GON4L: variants seen among roughly 807,000 people sequenced by gnomAD.
The protein encoded by GON4L is GON-4-like protein.
Under a neutral mutation model 211.8 loss-of-function variants are expected in GON4L, and 87 were observed. The ratio of observed to expected loss-of-function variants is 0.41; its 90% CI spans 0.35 to 0.49. The LOEUF (loss-of-function observed/expected upper bound fraction) is 0.49, where lower values mean the gene tolerates loss of function less well. Among genes scored for constraint, GON4L ranks in the 20% least tolerant of loss-of-function variants. GON4L has a pLI of 0.15. For synonymous variants in GON4L, 875 were observed against 962.6 expected (o/e 0.91, Z 1.68); for missense variants, 2,155 against 2,659.5 (o/e 0.81, Z 4.17).
At chr1:155,754,520 AG>A in intron 27 of GON4L, 32 bp from the exon 28 acceptor site, 60 of 783,430 alleles carry the variant, frequency 7.7e-5, no homozygotes, top group Non-Finnish European at 1.1e-4. Flanking sequence ...TTAGCTGCCA[AG>A]TTGTTTTTTT....
At chr1:155,763,099 C>A (rs1028253676) in intron 22 of GON4L, among the ~76,000 whole-genome samples, 1 of 151,894 alleles carries the variant, frequency 6.6e-6, no homozygotes, top group Non-Finnish European at 1.5e-5. Flanking sequence ...AATCTAGCAA[C>A]GGATGAGAAT....
intron 21 of GON4L, among the ~76,000 whole-genome samples, chr1:155,764,019 CAAACA>C (rs1270815431): frequency 3.1e-5 from 1 of 32,358 alleles, no homozygotes; most frequent in African/African-American, 4.4e-5. Context: ...AAAACAAAAA[CAAACA>C]AAAAAAAAAC....
At chr1:155,838,792 T>A (rs1258864046) in intron 2 of GON4L, among the ~76,000 whole-genome samples, 5 of 148,896 alleles carry the variant, frequency 3.4e-5, no homozygotes, top group Non-Finnish European at 5.9e-5. Context: ...AGAAAAAAAA[T>A]TATAAATAAT....
chr1:155,788,543 A>T (rs1448406364), intron 12 of GON4L, among the ~76,000 whole-genome samples: 1 of 152,228 alleles, frequency 6.6e-6, no homozygotes, highest in African/African-American at 2.4e-5. Context: ...GACTTGCACA[A>T]AAAAGTTCAG....
At chr1:155,858,020 G>C (rs1672418644), upstream of GON4L, among the ~76,000 whole-genome samples, 1 of 152,116 alleles carries the variant, frequency 6.6e-6, no homozygotes, top group South Asian at 2.1e-4. Context: ...CAAAGTTCTG[G>C]CTCATCTGAG....
At position 155,757,250 on chromosome 1, in the gene GON4L, T is replaced by G; in HGVS notation, c.5327A>C (p.His1776Pro). ...CATCCGGCTAGCTGCTGGGCGCAAGTGGTCAAAGAAGATAGAAAACTCATC... is the reference window on the plus strand; with the variant it reads ...CATCCGGCTAGCTGCTGGGCGCAAGGGGTCAAAGAAGATAGAAAACTCATC... ...LQDEFSIFFD[H>P]LRPAASRMGD... The change falls in exon 26 of 32, where the codon CAC (histidine) becomes CCC (proline). Residue 1776 changes from histidine to proline, a missense_variant. By Grantham distance (77) the His-to-Pro change is moderately conservative. Coordinates refer to ENST00000368331, the MANE Select transcript of GON4L (RefSeq NM_001282860.2). The G allele has an allele frequency of 6.2e-7, 1 of 1,613,908 alleles. No individual in the cohort carries two copies. Among genetic ancestry groups the G allele is most frequent in the Non-Finnish European group, 8.5e-7 (1 of 1,179,864 alleles).
chr1:155,852,046 T>A (rs1303571080), intron 2 of GON4L, among the ~76,000 whole-genome samples: 1 of 149,086 alleles, frequency 6.7e-6, no homozygotes. Flanking sequence ...GCACCTGTAA[T>A]CCCAGCTACT....
In GON4L at chr1:155,767,498, C is replaced by T. The variant is rs981914047; in HGVS notation, c.2690G>A (p.Cys897Tyr). ...TKQLPVLGKC[C>Y]EEIQPHQWKP... ...CCACTGATGTGGCTGGATCTCTTCACAGCATTTTCCTAGGACTGGCAGCTG... is the reference window on the plus strand; with the variant it reads ...CCACTGATGTGGCTGGATCTCTTCATAGCATTTTCCTAGGACTGGCAGCTG... The change falls in exon 20 of 32, where the codon TGT (cysteine) becomes TAT (tyrosine). Residue 897 changes from cysteine (C) to tyrosine (Y), a missense_variant. Physicochemically the swap from Cys to Tyr is radical, Grantham distance 194 (BLOSUM62 -2). Transcript: ENST00000368331. 12 of 1,611,036 alleles carry T rather than the reference C, an allele frequency of 7.4e-6. No individual in the cohort carries two copies. The Admixed American group carries it at 1.8e-4, about 25-fold the overall frequency.
chr1:155,838,928 A>T (rs373961280), intron 2 of GON4L, among the ~76,000 whole-genome samples: 2 of 151,908 alleles, frequency 1.3e-5, no homozygotes, highest in East Asian at 3.8e-4. Flanking sequence ...AGAAAGGAAT[A>T]TTATATAGGG....
chr1:155,844,548 G>A (rs1314154257), intron 2 of GON4L, among the ~76,000 whole-genome samples: 1 of 152,086 alleles, frequency 6.6e-6, no homozygotes, highest in Non-Finnish European at 1.5e-5. Flanking sequence ...CTTGAGCTCA[G>A]GAGTCAAGAC....
Position 155,751,889 on chromosome 1 carries a change from A to AT in GON4L, c.6474-21dup, listed in dbSNP as rs1461404438. ...GCTTCCCTGTAACCCAGGTATCATG[A>AT]TTAACCCTAGGGAGCCACATGGATG... On this transcript the variant is annotated intron_variant, in intron 30 of 31. Coordinates refer to ENST00000368331, the MANE Select transcript of GON4L (RefSeq NM_001282860.2). 2 of 1,612,002 alleles carry AT rather than the reference A, an allele frequency of 1.2e-6. No individual in the cohort carries two copies. Among genetic ancestry groups the AT allele is most frequent in the African/African-American group, 2.7e-5 (2 of 74,868 alleles).
Position 155,752,142 on chromosome 1 carries a change from A to T in GON4L, c.6291T>A (p.Ser2097=). Residue 2097 remains serine (S), a synonymous_variant, in exon 30 of 32, where the codon TCT becomes TCA. Transcript: ENST00000368331. ...TCTCTGAGGTGTCAATTCCTGATGG[A>T]GATTCATGGACAGGGCACGTCCTGT... ...TRDRTCPVHE[S]PSGIDTSETS... The T allele has an allele frequency of 2.5e-6, 4 of 1,613,228 alleles. No individual in the cohort carries two copies. The highest frequency in any genetic ancestry group is 2.5e-6 in the Non-Finnish European group (3 of 1,179,388).
chr1:155,752,938 G>C (rs1336642328), intron 29 of GON4L, among the ~76,000 whole-genome samples: 1 of 152,168 alleles, frequency 6.6e-6, no homozygotes, highest in Non-Finnish European at 1.5e-5. Flanking sequence ...CACTAGATTT[G>C]GAGACAGGGG....
In GON4L at chr1:155,853,465, G is replaced by T; in HGVS notation, c.316C>A (p.Pro106Thr). ...AGGGGGTGAAAAGACTCCAAGGAAG[G>T]TAGGGTGATTCCCTGAGAGATGGCC... ...DVAISQGITL[P>T]SLESFHPLNI... Residue 106 changes from proline to threonine, a missense_variant, in exon 2 of 32, where the codon CCT (proline) becomes ACT (threonine). By Grantham distance (38) the Pro-to-Thr change is conservative. Transcript: ENST00000368331. 6.2e-7 allele frequency: 1 copy of T among 1,613,936 alleles called. No individual in the cohort carries two copies. The highest frequency in any genetic ancestry group is 8.5e-7 in the Non-Finnish European group (1 of 1,179,812).
At chr1:155,748,583 G>A (rs1660345621), downstream of GON4L, 2 of 1,613,176 alleles carry the variant, frequency 1.2e-6, no homozygotes, top group Non-Finnish European at 8.5e-7. Flanking sequence ...GTCCTATAAC[G>A]TGTTCTCTTC....
At chr1:155,799,104 T>C (rs1181178426) in intron 11 of GON4L, among the ~76,000 whole-genome samples, 1 of 152,202 alleles carries the variant, frequency 6.6e-6, no homozygotes, top group African/African-American at 2.4e-5. Context: ...TGGCTTTGTG[T>C]GCTCTTTTAA....
intron 14 of GON4L, among the ~76,000 whole-genome samples, chr1:155,779,121 G>A (rs993120901): frequency 2.6e-5 from 4 of 151,400 alleles, no homozygotes; most frequent in South Asian, 2.1e-4. Flanking sequence ...GGGCGCAGTC[G>A]TGGGGGCCTG....
At chr1:155,794,457 T>C (rs1040947734) in intron 12 of GON4L, among the ~76,000 whole-genome samples, 1 of 152,188 alleles carries the variant, frequency 6.6e-6, no homozygotes, top group Non-Finnish European at 1.5e-5. Flanking sequence ...TTTTCACTCA[T>C]ACACCACCAC....
chr1:155,826,084 G>A (rs553248490), intron 3 of GON4L, among the ~76,000 whole-genome samples: 9 of 151,962 alleles, frequency 5.9e-5, no homozygotes, highest in Admixed American at 2.0e-4. Flanking sequence ...GTGACGGCAC[G>A]CGCTTATAGT....
Sources: gnomAD v4.1 joint callset for allele counts (sites outside exome capture counted in the v4.1 genomes callset) on GRCh38, gnomAD v4.1.1 for gene constraint, MANE v1.5 for transcripts, NCBI Gene and HGNC (gene_info 2026-07-23, HGNC 2026-07-21) for gene names.